Variants in LRRC53 observed in about 807,000 individuals in gnomAD.
LRRC53 encodes the protein leucine rich repeat containing 53.
In LRRC53, 25 loss-of-function variants were observed where a neutral mutation model predicts 13.6. That is an observed-to-expected ratio of 1.83 (90% CI 1.34 to 2.56). LRRC53 has a LOEUF of 2.56. Ranked by LOEUF, LRRC53 falls within the 30% of genes most tolerant of loss-of-function variation. The probability of loss-of-function intolerance (pLI) is 0.00; values close to 1 mark genes in which losing one functional copy is unlikely to be tolerated. For synonymous variants in LRRC53, 204 were observed against 109.8 expected, an observed-to-expected ratio of 1.86 and a Z score of -5.37; for missense variants, 527 against 275.8, an observed-to-expected ratio of 1.91 and a Z score of -6.45.
chr1:74,501,874 TTA>T (rs367958004), intron 1 of LRRC53, among the ~76,000 whole-genome samples: 42 of 149,330 alleles, frequency 2.8e-4, no homozygotes, highest in Non-Finnish European at 2.4e-4. Flanking sequence ...CTTCTGAGGG[TTA>T]TATATATATA....
chr1:74,488,853 G>C (rs1040246632), intron 1 of LRRC53, among the ~76,000 whole-genome samples: 2 of 152,178 alleles, frequency 1.3e-5, no homozygotes, highest in African/African-American at 4.8e-5. Flanking sequence ...CACTGAGATA[G>C]TTAATAGTTT....
chr1:74,524,314 TG>T, the LRRC53 span, among the ~76,000 whole-genome samples: 1 of 152,332 alleles, frequency 6.6e-6, no homozygotes, highest in African/African-American at 2.4e-5. Flanking sequence ...AATAGCTCTG[TG>T]GGCCTGCCAG....
chr1:74,518,536 T>C, the LRRC53 span, among the ~76,000 whole-genome samples: 14,472 of 152,120 alleles, frequency 0.095, 1,575 homozygotes, highest in African/African-American at 0.27. Flanking sequence ...GGCTCTATGG[T>C]TCCCACTGCT....
upstream of LRRC53, among the ~76,000 whole-genome samples, chr1:74,516,906 A>C (rs1210246376): frequency 2.6e-5 from 4 of 152,224 alleles, no homozygotes; most frequent in Non-Finnish European, 4.4e-5. Context: ...ACAATTGTTA[A>C]CTACATGATA....
At chr1:74,493,737 A>C (rs1012054494) in intron 1 of LRRC53, among the ~76,000 whole-genome samples, 5 of 152,214 alleles carry the variant, frequency 3.3e-5, no homozygotes, top group African/African-American at 7.2e-5. Flanking sequence ...AGAAAAATGT[A>C]CTACCTGGGG....
At position 74,490,860 on chromosome 1, in the gene LRRC53, A is replaced by G. The variant is rs76864885; in HGVS notation, c.-26-7485T>C. ...AAGAATAATTTTAACAGGAATACAT[A>G]TAAATATAATGTCCTGCAGCAGAGC... On this transcript the variant is annotated intron_variant, in intron 1 of 4. Transcript: ENST00000294635. Among the ~76,000 whole-genome samples the G allele has an allele frequency of 6.0e-3, 907 of 152,366 alleles. 12 individuals carry two copies. The highest frequency in any genetic ancestry group is 0.02 in the African/African-American group (842 of 41,586).
upstream of LRRC53, among the ~76,000 whole-genome samples, chr1:74,517,202 A>T (rs6691271): frequency 0.33 from 50,311 of 152,094 alleles, 9,968 homozygotes; most frequent in East Asian, 0.71. Context: ...TTAAAAAAAA[A>T]GGTTAATAAC....
At chr1:74,519,271 C>A in the LRRC53 span, among the ~76,000 whole-genome samples, 1 of 85,698 alleles carries the variant, frequency 1.2e-5, no homozygotes, top group East Asian at 2.8e-4. Context: ...TTTTCTTAAT[C>A]CAGTCTATCA....
chr1:74,469,805 G>C lies in LRRC53; in HGVS notation c.*73C>G. ...ATGATCCACTTCTAATGCATGCAAAGGCTAGTGGGTGTTTGTCCTCTTGAA... is the reference window on the plus strand; with the variant it reads ...ATGATCCACTTCTAATGCATGCAAACGCTAGTGGGTGTTTGTCCTCTTGAA... On this transcript the variant is annotated 3_prime_UTR_variant, in exon 5 of 5. Coordinates refer to ENST00000294635, the MANE Select transcript of LRRC53 (RefSeq NM_001382280.1). 2.5e-6 allele frequency: 1 copy of C among 399,150 alleles called. No individual in the cohort carries two copies. Among genetic ancestry groups the C allele is most frequent in the Non-Finnish European group, 4.4e-6 (1 of 225,564 alleles). 24.7% of individuals were successfully genotyped at this position (399,150 alleles called of 1,614,324 possible).
intron 1 of LRRC53, among the ~76,000 whole-genome samples, chr1:74,498,204 C>T (rs1355249826): frequency 6.6e-6 from 1 of 152,160 alleles, no homozygotes; most frequent in Non-Finnish European, 1.5e-5. Context: ...CATGTTTATC[C>T]TACCATCAAC....
At chr1:74,498,991 C>T (rs1669474693) in intron 1 of LRRC53, among the ~76,000 whole-genome samples, 2 of 152,044 alleles carry the variant, frequency 1.3e-5, no homozygotes, top group Non-Finnish European at 2.9e-5. Flanking sequence ...ATAAATACAC[C>T]AATTATTGAC....
chr1:74,516,812 G>A (rs1408712212), upstream of LRRC53, among the ~76,000 whole-genome samples: 7 of 152,118 alleles, frequency 4.6e-5, no homozygotes, highest in Admixed American at 3.9e-4. Flanking sequence ...ACAAGTTAAG[G>A]CAGCTTACTT....
intron 1 of LRRC53, among the ~76,000 whole-genome samples, chr1:74,508,483 A>G (rs1401238230): frequency 3.9e-5 from 6 of 152,220 alleles, no homozygotes; most frequent in South Asian, 2.1e-4. Context: ...TAGGACTTAA[A>G]CCTGGCCAGA....
chr1:74,475,331 G>T lies in LRRC53; in HGVS notation c.1384C>A (p.Pro462Thr). 1.4e-6 allele frequency: 1 copy of T among 706,972 alleles called. No homozygotes were observed. The highest frequency in any genetic ancestry group is 2.6e-6 in the Non-Finnish European group (1 of 381,018). 43.8% of individuals were successfully genotyped at this position (706,972 alleles called of 1,614,324 possible). ...ATTATATGGTGTTGCAGAGTTTGAGGCTGGACTTCTCCAGGCTCAAGATTC... is the reference window on the plus strand; with the variant it reads ...ATTATATGGTGTTGCAGAGTTTGAGTCTGGACTTCTCCAGGCTCAAGATTC... ...LWNLEPGEVQ[P>T]QTLQHHIIRT... The change falls in exon 4 of 5, where the codon CCT becomes ACT. Residue 462 changes from proline (P) to threonine (T), a missense_variant. By Grantham distance (38) the Pro-to-Thr change is conservative. Transcript: ENST00000294635.
At chr1:74,486,979 T>C (rs780407140) in intron 1 of LRRC53, among the ~76,000 whole-genome samples, 12 of 152,026 alleles carry the variant, frequency 7.9e-5, no homozygotes, top group Non-Finnish European at 1.5e-4. Flanking sequence ...TCAGCAGTGT[T>C]GTAGGAGAAA....
At position 74,483,367 on chromosome 1, in the gene LRRC53, G is replaced by T. The variant is rs932391236; in HGVS notation, c.-18C>A. ...CGCAACATGATGGCAAAGAGTACCA[G>T]CCATCCACCTGAAAGGAAAGTAGAG... On this transcript the variant is annotated 5_prime_UTR_variant, in exon 2 of 5. It adds an upstream start codon to the 5' untranslated region. Coordinates refer to ENST00000294635, the MANE Select transcript of LRRC53 (RefSeq NM_001382280.1). 11 of 717,132 alleles carry T rather than the reference G, an allele frequency of 1.5e-5. No individual in the cohort carries two copies. Among genetic ancestry groups the T allele is most frequent in the Non-Finnish European group, 2.9e-5 (11 of 384,886 alleles). The allele number at this position is 717,132 out of a possible 1,614,324, so 44.4% of individuals were successfully genotyped here.
chr1:74,527,950 G>C, the LRRC53 span, among the ~76,000 whole-genome samples: 3 of 152,156 alleles, frequency 2.0e-5, no homozygotes, highest in Non-Finnish European at 4.4e-5. Flanking sequence ...GAGAAGGAAA[G>C]GGTTTCCACA....
intron 1 of LRRC53, among the ~76,000 whole-genome samples, chr1:74,489,401 A>G (rs1668932581): frequency 6.6e-6 from 1 of 152,184 alleles, no homozygotes; most frequent in African/African-American, 2.4e-5. Flanking sequence ...CCTATGGTGG[A>G]GCAGAATTAG....
At chr1:74,516,206 T>G (rs1429750817), upstream of LRRC53, among the ~76,000 whole-genome samples, 3 of 152,198 alleles carry the variant, frequency 2.0e-5, no homozygotes, top group Non-Finnish European at 4.4e-5. Context: ...AAATTTCCCA[T>G]TAGCCAGGAA....
Sources: allele counts gnomAD v4.1 joint callset (sites outside exome capture counted in the v4.1 genomes callset), GRCh38; gene constraint gnomAD v4.1.1; transcripts MANE v1.5; gene names NCBI Gene and HGNC (gene_info 2026-07-23, HGNC 2026-07-21).